PPFIBP1: variants seen among roughly 807,000 people sequenced by gnomAD.
PPFIBP1 encodes liprin-beta-1.
In PPFIBP1, 112 loss-of-function variants were observed where a neutral mutation model predicts 137.8. The observed-to-expected ratio is 0.81, with a 90% CI of 0.70 to 0.95. The LOEUF is 0.95. Ranked by LOEUF, PPFIBP1 falls within the 40% of genes least tolerant of loss-of-function variation. The probability of loss-of-function intolerance (pLI) is 0.00; values close to 1 mark genes in which losing one functional copy is unlikely to be tolerated. For synonymous variants in PPFIBP1, 378 were observed against 417.3 expected, an observed-to-expected ratio of 0.91 and a Z score of 1.15; for missense variants, 1,083 against 1,196.6, an observed-to-expected ratio of 0.91 and a Z score of 1.40.
At chr12:27,614,215 CAA>C (rs2055491451) in intron 2 of PPFIBP1, among the ~76,000 whole-genome samples, 1 of 151,922 alleles carries the variant, frequency 6.6e-6, no homozygotes, top group Non-Finnish European at 1.5e-5. Flanking sequence ...TTGTCTCTAC[CAA>C]AAATAAAATA....
chr12:27,572,066 C>T (rs1318016065), intron 1 of PPFIBP1, among the ~76,000 whole-genome samples: 1 of 152,156 alleles, frequency 6.6e-6, no homozygotes, highest in Non-Finnish European at 1.5e-5. Flanking sequence ...AGAACATCTA[C>T]TCTAAAGTTC....
intron 11 of PPFIBP1, 48 bp from the exon 12 acceptor site, chr12:27,664,314 C>A: frequency 1.6e-6 from 2 of 1,227,790 alleles, no homozygotes; most frequent in Non-Finnish European, 2.4e-6. Context: ...ATTACTATTA[C>A]TCTTTTAAGA....
In PPFIBP1 at chr12:27,559,403, G is replaced by A. The variant is rs150959277; in HGVS notation, c.-123-18749G>A. ...AGGCTGGTCTCGAACTCCTGACCTC[G>A]TGATCCATCCACCTCGGCCTCCCAA... On this transcript the variant is annotated intron_variant, in intron 1 of 29. Transcript: ENST00000228425. Among the ~76,000 whole-genome samples, 875 of 152,204 alleles carry A rather than the reference G, an allele frequency of 5.7e-3. 6 individuals are homozygous for A. Among genetic ancestry groups the A allele is most frequent in the African/African-American group, 0.02 (827 of 41,508 alleles).
intron 27 of PPFIBP1, among the ~76,000 whole-genome samples, chr12:27,690,980 A>G (rs1295360377): frequency 6.6e-6 from 1 of 151,486 alleles, no homozygotes; most frequent in Non-Finnish European, 1.5e-5. Context: ...GTCCTCCAGA[A>G]ATTTGTGCCA....
chr12:27,688,926 A>C, intron 26 of PPFIBP1, 89 bp from the exon 27 acceptor site: 1 of 1,331,812 alleles, frequency 7.5e-7, no homozygotes, highest in Non-Finnish European at 1.0e-6. Context: ...AGATAACCTA[A>C]GAGAAAGCTT....
chr12:27,651,845 C>T (rs923916600), intron 7 of PPFIBP1, among the ~76,000 whole-genome samples: 9 of 152,094 alleles, frequency 5.9e-5, no homozygotes, highest in African/African-American at 2.2e-4. Flanking sequence ...ATATTTATAT[C>T]CCTTGAGTTT....
At chr12:27,689,711 C>G (rs1024960352) in intron 27 of PPFIBP1, among the ~76,000 whole-genome samples, 2 of 152,172 alleles carry the variant, frequency 1.3e-5, no homozygotes, top group African/African-American at 4.8e-5. Context: ...GTTCCCAACC[C>G]AGGCTTGTGG....
chr12:27,692,538 T>A, intron 28 of PPFIBP1, 53 bp from the exon 29 acceptor site: 1 of 1,558,896 alleles, frequency 6.4e-7, no homozygotes, highest in Non-Finnish European at 8.8e-7. Context: ...CCTGCTGCAC[T>A]TTCCCTGAAA....
rs111836361 is a variant in PPFIBP1 at position 27,642,299 on chromosome 12, A to G, written c.271-3763A>G. Among the ~76,000 whole-genome samples, 7 of 152,332 alleles carry G rather than the reference A, an allele frequency of 4.6e-5. No homozygotes were observed. The East Asian group carries it at 9.6e-4, about 21-fold the overall frequency. On this transcript the variant is annotated intron_variant, in intron 4 of 29. Coordinates refer to ENST00000228425, the MANE Select transcript of PPFIBP1 (RefSeq NM_003622.4). ...TGTTGAAGTCCCCAAGTTGACTCCA[A>G]TTTCGACTTAGCTGGATTGAATGCG... is the stretch of plus-strand genomic sequence containing the variant.
At chr12:27,534,233 C>T (rs1022084730) in intron 1 of PPFIBP1, among the ~76,000 whole-genome samples, 9 of 151,618 alleles carry the variant, frequency 5.9e-5, no homozygotes, top group South Asian at 2.1e-4. Context: ...GGGTTAGCCT[C>T]GAAATCCATA....
At chr12:27,546,079 T>C (rs1381418543) in intron 1 of PPFIBP1, among the ~76,000 whole-genome samples, 1 of 152,216 alleles carries the variant, frequency 6.6e-6, no homozygotes, top group Non-Finnish European at 1.5e-5. Context: ...TTCTTGTTCC[T>C]GTGAAATATT....
At position 27,676,547 on chromosome 12, in the gene PPFIBP1, G is replaced by A. The variant is rs534286176; in HGVS notation, c.1530G>A (p.Arg510=). ...GAAAAGTCAGATCTTCCTTTGGCCG[G>A]GGCTTTTTTAAAATCAAAAGTAACA... is the stretch of plus-strand genomic sequence containing the variant. ...GTRKVRSSFG[R]GFFKIKSNKR... The change falls in exon 18 of 30, where the codon CGG becomes CGA. Residue 510 remains arginine, a synonymous_variant. Coordinates refer to ENST00000228425, the MANE Select transcript of PPFIBP1 (RefSeq NM_003622.4). 1 of 1,607,458 alleles carries A rather than the reference G, an allele frequency of 6.2e-7. No homozygotes were observed. Among genetic ancestry groups the A allele is most frequent in the East Asian group, 2.2e-5 (1 of 44,652 alleles).
At chr12:27,673,158 T>A (rs2060303983) in intron 15 of PPFIBP1, among the ~76,000 whole-genome samples, 1 of 152,176 alleles carries the variant, frequency 6.6e-6, no homozygotes, top group Admixed American at 6.5e-5. Context: ...ACCTTCAAGT[T>A]TTTAGTAACA....
At chr12:27,664,278 C>A in intron 11 of PPFIBP1, 84 bp from the exon 12 acceptor site, 1 of 868,522 alleles carries the variant, frequency 1.2e-6, no homozygotes, top group Admixed American at 2.2e-5. Context: ...TATGTAATTA[C>A]TATTCTTTAT....
chr12:27,673,822 G>T lies in PPFIBP1; in HGVS notation c.1375G>T (p.Asp459Tyr). Residue 459 changes from aspartate (D) to tyrosine (Y), a missense_variant, in exon 16 of 30, where the codon GAT (aspartate) becomes TAT (tyrosine). Asp to Tyr is a radical substitution (Grantham distance 160). Coordinates refer to ENST00000228425, the MANE Select transcript of PPFIBP1 (RefSeq NM_003622.4). ...SLGNLKKETS[D>Y]GEKETIQKTS... ...GGGCAATCTGAAGAAAGAGACATCT[G>T]ATGGGGTGGGTTCTGTGTTTTTTGT... The T allele has an allele frequency of 6.2e-7, 1 of 1,613,228 alleles. No homozygotes were observed. The highest frequency in any genetic ancestry group is 8.5e-7 in the Non-Finnish European group (1 of 1,179,512).
At chr12:27,651,067 G>A (rs1445705165) in intron 7 of PPFIBP1, among the ~76,000 whole-genome samples, 1 of 151,896 alleles carries the variant, frequency 6.6e-6, no homozygotes, top group African/African-American at 2.4e-5. Flanking sequence ...TGTATTTCAC[G>A]CTGACTATAA....
At chr12:27,683,968 T>A (rs2061041150) in intron 24 of PPFIBP1, among the ~76,000 whole-genome samples, 1 of 151,874 alleles carries the variant, frequency 6.6e-6, no homozygotes, top group African/African-American at 2.4e-5. Flanking sequence ...TTTGTATTTT[T>A]AATAGAGACG....
At chr12:27,582,439 C>T (rs369760737) in intron 2 of PPFIBP1, among the ~76,000 whole-genome samples, 64 of 152,216 alleles carry the variant, frequency 4.2e-4, no homozygotes, top group African/African-American at 1.4e-3. Context: ...TTGGGGAAAC[C>T]TGGGTTCTGA....
chr12:27,559,419 G>A (rs1041042321), intron 1 of PPFIBP1, among the ~76,000 whole-genome samples: 5 of 151,670 alleles, frequency 3.3e-5, no homozygotes, highest in South Asian at 2.1e-4. Context: ...CATCCACCTC[G>A]GCCTCCCAAA....
Sources: gnomAD v4.1 joint callset for allele counts (sites outside exome capture counted in the v4.1 genomes callset) on GRCh38, gnomAD v4.1.1 for gene constraint, MANE v1.5 for transcripts, NCBI Gene and HGNC (gene_info 2026-07-23, HGNC 2026-07-21) for gene names.